TEX48: variants seen among roughly 807,000 people sequenced by gnomAD.
The protein encoded by TEX48 is testis expressed 48.
A neutral mutation model predicts 13.2 loss-of-function variants in TEX48; 10 were observed. The observed-to-expected ratio is 0.75, with a 90% CI of 0.47 to 1.28. The LOEUF is 1.28. TEX48 is among the 50% of genes most tolerant of loss of function. The probability of loss-of-function intolerance (pLI) is 0.00; values close to 1 mark genes in which losing one functional copy is unlikely to be tolerated. For synonymous variants in TEX48, 45 were observed against 52.3 expected (o/e 0.86, Z 0.60); for missense variants, 116 against 139.4 (o/e 0.83, Z 0.84).
At chr9:114,679,189 A>C (rs897993566) in intron 1 of TEX48, among the ~76,000 whole-genome samples, 3 of 151,828 alleles carry the variant, frequency 2.0e-5, no homozygotes, top group African/African-American at 7.3e-5. Flanking sequence ...TAGAGGATTT[A>C]GAAAAAATCA....
intron 1 of TEX48, among the ~76,000 whole-genome samples, chr9:114,679,022 T>C (rs1828133992): frequency 6.6e-6 from 1 of 151,834 alleles, no homozygotes; most frequent in African/African-American, 2.4e-5. Flanking sequence ...GATTTTCTCT[T>C]AAGGGTGGAT....
At chr9:114,673,289 A>T (rs970026726) in intron 1 of TEX48, among the ~76,000 whole-genome samples, 1 of 152,082 alleles carries the variant, frequency 6.6e-6, no homozygotes, top group Admixed American at 6.5e-5. Context: ...CCTGACCAAC[A>T]TGGAGAAACC....
chr9:114,668,483 G>A, intron 3 of TEX48, 146 bp from the exon 4 acceptor site: 1 of 649,690 alleles, frequency 1.5e-6, no homozygotes, highest in Non-Finnish European at 2.7e-6. Flanking sequence ...ACCACCTCCT[G>A]TCCTCTGAGG....
At chr9:114,677,747 T>C (rs913651251) in intron 1 of TEX48, among the ~76,000 whole-genome samples, 1 of 151,398 alleles carries the variant, frequency 6.6e-6, no homozygotes, top group Non-Finnish European at 1.5e-5. Flanking sequence ...TCTTGGTAAA[T>C]CATAAAAGAA....
At position 114,666,609 on chromosome 9, in the gene TEX48, G is replaced by A; in HGVS notation, c.*34C>T. The A allele has an allele frequency of 1.6e-6, 2 of 1,244,676 alleles. No homozygotes were observed. The highest frequency in any genetic ancestry group is 2.2e-6 in the Non-Finnish European group (2 of 899,194). The allele number at this position is 1,244,676 out of a possible 1,614,324, so 77.1% of individuals were successfully genotyped here. On this transcript the variant is annotated 3_prime_UTR_variant, in exon 5 of 5. Coordinates refer to ENST00000436752, the MANE Select transcript of TEX48 (RefSeq NM_001199233.2). ...CCACCGCCCTCTTCCTCATGGAGAT[G>A]CCCCAGCAGCTGTGCAGCCGCCGGC...
At chr9:114,667,304 G>A (rs1274519492) in intron 4 of TEX48, among the ~76,000 whole-genome samples, 2 of 152,204 alleles carry the variant, frequency 1.3e-5, no homozygotes, top group Admixed American at 6.5e-5. Context: ...TGGGGTGGTT[G>A]TGAGTTATGT....
intron 1 of TEX48, among the ~76,000 whole-genome samples, chr9:114,672,253 G>A (rs1827963623): frequency 6.6e-6 from 1 of 152,092 alleles, no homozygotes; most frequent in Non-Finnish European, 1.5e-5. Context: ...TTCTGGTTTT[G>A]CCACTAATTT....
intron 1 of TEX48, among the ~76,000 whole-genome samples, chr9:114,674,297 C>G (rs944851583): frequency 6.6e-6 from 1 of 152,090 alleles, no homozygotes; most frequent in Non-Finnish European, 1.5e-5. Flanking sequence ...CATTTGCCCC[C>G]CCTGCTGAGT....
intron 1 of TEX48, among the ~76,000 whole-genome samples, chr9:114,673,666 A>AGAAGGC (rs2082852095): frequency 2.0e-5 from 3 of 152,154 alleles, no homozygotes; most frequent in African/African-American, 4.8e-5. Flanking sequence ...TAAGATAAAC[A>AGAAGGC]AAAATAGAGA....
At chr9:114,680,853 T>C (rs1397326357) in intron 1 of TEX48, among the ~76,000 whole-genome samples, 8 of 152,160 alleles carry the variant, frequency 5.3e-5, no homozygotes, top group Admixed American at 4.6e-4. Context: ...TGCCAGTAGG[T>C]ACATTTCATA....
intron 2 of TEX48, 71 bp downstream of exon 2, chr9:114,671,649 T>C (rs1827950004): frequency 6.5e-7 from 1 of 1,534,466 alleles, no homozygotes; most frequent in Non-Finnish European, 8.7e-7. Flanking sequence ...CCAAATCTTC[T>C]GTAGCTTCCC....
chr9:114,671,767 G>C lies in TEX48; in HGVS notation c.-44C>G, dbSNP rs921066228. The C allele has an allele frequency of 7.2e-6, 11 of 1,535,178 alleles. No homozygotes were observed. The African/African-American group carries it at 1.4e-4, about 19-fold the overall frequency. Reference sequence around the variant, plus strand: ...CTACTCTGCCAGCTTTGTCTGCAGGGGTGCCTTGTTGAATCAGCCAGTCTT... The same window carrying C: ...CTACTCTGCCAGCTTTGTCTGCAGGCGTGCCTTGTTGAATCAGCCAGTCTT... On this transcript the variant is annotated 5_prime_UTR_variant, in exon 2 of 5. Transcript: ENST00000436752.
chr9:114,673,870 A>G (rs940666213), intron 1 of TEX48, among the ~76,000 whole-genome samples: 1 of 151,584 alleles, frequency 6.6e-6, no homozygotes, highest in Non-Finnish European at 1.5e-5. Context: ...CAGTGGCGTG[A>G]TCACAGCTCA....
At chr9:114,674,315 C>T (rs1346839318) in intron 1 of TEX48, among the ~76,000 whole-genome samples, 1 of 152,102 alleles carries the variant, frequency 6.6e-6, no homozygotes, top group East Asian at 1.9e-4. Context: ...AGTTTTAAAA[C>T]ACAGCAAGCT....
Position 114,674,656 on chromosome 9 carries a change from TCC to T in TEX48, c.-104-2831_-104-2830del, listed in dbSNP as rs1564317167. 5.0e-3 allele frequency among the ~76,000 whole-genome samples: 469 copies of T among 92,960 alleles called. 8 individuals are homozygous for T. Among genetic ancestry groups the T allele is most frequent in the African/African-American group, 0.024 (441 of 18,050 alleles). 61.0% of individuals were successfully genotyped at this position (92,960 alleles called of 152,430 possible). Reference sequence around the variant, plus strand: ...TTCCTTCCTTCCTTCCTTCCTTCCTTCCTTCCTTCCTTCTTTCCTTCTCTCTT... The same window carrying T: ...TTCCTTCCTTCCTTCCTTCCTTCCTTTTCCTTCCTTCTTTCCTTCTCTCTT... On this transcript the variant is annotated intron_variant, in intron 1 of 4. Transcript: ENST00000436752.
chr9:114,673,842 G>C (rs1417611311), intron 1 of TEX48, among the ~76,000 whole-genome samples: 1 of 150,622 alleles, frequency 6.6e-6, no homozygotes, highest in Non-Finnish European at 1.5e-5. Context: ...GTTTTACTCT[G>C]TCACCCAGGC....
chr9:114,673,198 C>A (rs545369454), intron 1 of TEX48, among the ~76,000 whole-genome samples: 1 of 152,042 alleles, frequency 6.6e-6, no homozygotes, highest in South Asian at 2.1e-4. Context: ...AACGACCGGG[C>A]GCGGTGGCTC....
chr9:114,674,690 ACTCT>A (rs1828029546), intron 1 of TEX48, among the ~76,000 whole-genome samples: 1 of 106,536 alleles, frequency 9.4e-6, no homozygotes, highest in South Asian at 2.9e-4. Flanking sequence ...TCTTGCTCTC[ACTCT>A]CTTTCTTGAC....
At chr9:114,677,960 A>G (rs879338595) in intron 1 of TEX48, among the ~76,000 whole-genome samples, 4 of 151,956 alleles carry the variant, frequency 2.6e-5, no homozygotes, top group Non-Finnish European at 5.9e-5. Context: ...AAAACTCCGT[A>G]TATATACTCT....
Sources: allele counts gnomAD v4.1 joint callset (sites outside exome capture counted in the v4.1 genomes callset), GRCh38; gene constraint gnomAD v4.1.1; transcripts MANE v1.5; gene names NCBI Gene and HGNC (gene_info 2026-07-23, HGNC 2026-07-21).